GIT2: variants seen among roughly 807,000 people sequenced by gnomAD.
GIT2 encodes the protein GIT ArfGAP 2.
A neutral mutation model predicts 100.3 loss-of-function variants in GIT2; 32 were observed. The observed-to-expected ratio is 0.32, with a 90% CI of 0.24 to 0.43. The LOEUF is 0.43. Among genes scored for constraint, GIT2 ranks in the 20% least tolerant of loss-of-function variants. GIT2 has a pLI of 1.00. For synonymous variants in GIT2, 353 were observed against 364.1 expected (o/e 0.97, Z 0.35); for missense variants, 737 against 975.1 (o/e 0.76, Z 3.25).
intron 12 of GIT2, among the ~76,000 whole-genome samples, chr12:109,955,447 A>G (rs1879165398): frequency 1.3e-5 from 2 of 152,106 alleles, no homozygotes; most frequent in African/African-American, 4.8e-5. Context: ...ATGTTCTAAA[A>G]AGTTGCTGTG....
chr12:109,987,813 G>A (rs1358403445), intron 4 of GIT2, among the ~76,000 whole-genome samples: 2 of 152,190 alleles, frequency 1.3e-5, no homozygotes, highest in Non-Finnish European at 2.9e-5. Flanking sequence ...CTCATGCTCT[G>A]TGTGAGTAAG....
chr12:109,996,277 G>A lies in GIT2; in HGVS notation c.-53C>T, dbSNP rs1354309422. ...TAGAGGCCGGGGGACAGCAAAGGCG[G>A]CGGTGGCGGCGGCGCTTCCGCTCTA... is the stretch of plus-strand genomic sequence containing the variant. On this transcript the variant is annotated 5_prime_UTR_variant, in exon 1 of 20. Coordinates refer to ENST00000355312, the MANE Select transcript of GIT2 (RefSeq NM_057169.5). 12 of 1,297,994 alleles carry A rather than the reference G, an allele frequency of 9.2e-6. No homozygotes were observed. The Admixed American group carries it at 2.4e-4, about 26-fold the overall frequency. The allele number at this position is 1,297,994 out of a possible 1,614,324, so 80.4% of individuals were successfully genotyped here.
chr12:109,934,297 G>A lies in GIT2; in HGVS notation c.2004-212C>T, dbSNP rs145147322. 1.4e-4 allele frequency: 81 copies of A among 574,026 alleles called. No homozygotes were observed. Among genetic ancestry groups the A allele is most frequent in the Non-Finnish European group, 2.2e-4 (70 of 319,792 alleles). The allele number at this position is 574,026 out of a possible 1,614,324, so 35.6% of individuals were successfully genotyped here. On this transcript the variant is annotated intron_variant, in intron 18 of 19. Coordinates refer to ENST00000355312, the MANE Select transcript of GIT2 (RefSeq NM_057169.5). This position sits in a 1 kb window ranked among gnomAD's most constrained non-coding sequence, Gnocchi z 4.5. ...GTTCAATCTGATGAAAAGTCTCCAG[G>A]TATGAAATATGGCAACATACACTCT...
rs769707400 is a variant in GIT2 at position 109,983,453 on chromosome 12, T to C, written c.543A>G (p.Leu181=). ...CATATACTGCCAATAATTCAGCCTG[T>C]AAAATCTGCCCTGCTTTGGAGGCAA... The part of the protein sequence containing the change: ...LHVASKAGQI[L]QAELLAVYGA... The change falls in exon 6 of 20, where the codon TTA becomes TTG. Residue 181 remains leucine, a synonymous_variant. Transcript: ENST00000355312. 1 of 1,613,636 alleles carries C rather than the reference T, an allele frequency of 6.2e-7. No homozygotes were observed. The highest frequency in any genetic ancestry group is 8.5e-7 in the Non-Finnish European group (1 of 1,179,530).
In GIT2 at chr12:109,933,291, T is replaced by G; in HGVS notation, c.2068-101A>C. ...AAGCAAACCAAGCTGCTCCCCAGAG[T>G]GAAAGGCGGTTTGGTCCTGCCCTTT... On this transcript the variant is annotated intron_variant, in intron 19 of 19. Coordinates refer to ENST00000355312, the MANE Select transcript of GIT2 (RefSeq NM_057169.5). This position sits in a 1 kb window ranked among gnomAD's most constrained non-coding sequence, Gnocchi z 4.5. 1.4e-6 allele frequency: 1 copy of G among 709,826 alleles called. No homozygotes were observed. Among genetic ancestry groups the G allele is most frequent in the Non-Finnish European group, 2.4e-6 (1 of 410,816 alleles). 44.0% of individuals were successfully genotyped at this position (709,826 alleles called of 1,614,324 possible). A position where few individuals can be genotyped will look rare whatever the true frequency, so the allele number is the denominator to read the frequency against.
chr12:109,937,875 G>GTGTTTT (rs893362917), intron 18 of GIT2, among the ~76,000 whole-genome samples: 1 of 152,164 alleles, frequency 6.6e-6, no homozygotes, highest in Non-Finnish European at 1.5e-5. Flanking sequence ...GCTAATTTTT[G>GTGTTTT]TGTTTTTCAT....
At position 109,947,705 on chromosome 12, in the gene GIT2, C is replaced by T; in HGVS notation, c.1393-201G>A. ...CAATCAACTCCCTTCATCACGTAAG[C>T]AAATTAAATAGCTTCATTTCTGAAT... is the stretch of plus-strand genomic sequence containing the variant. On this transcript the variant is annotated intron_variant, in intron 14 of 19. Transcript: ENST00000355312. This position sits in a 1 kb window ranked among gnomAD's most constrained non-coding sequence, Gnocchi z 4.3. The T allele has an allele frequency of 1.8e-6, 1 of 552,926 alleles. No homozygotes were observed. The highest frequency in any genetic ancestry group is 3.2e-6 in the Non-Finnish European group (1 of 311,982). 34.3% of individuals were successfully genotyped at this position (552,926 alleles called of 1,614,324 possible). A position where few individuals can be genotyped will look rare whatever the true frequency, so the allele number is the denominator to read the frequency against.
intron 7 of GIT2, among the ~76,000 whole-genome samples, chr12:109,974,751 A>G (rs1229523365): frequency 1.3e-5 from 2 of 152,226 alleles, no homozygotes; most frequent in Non-Finnish European, 2.9e-5. Context: ...GTTGTCAGGT[A>G]GAAGAGTCTA....
intron 7 of GIT2, among the ~76,000 whole-genome samples, chr12:109,976,474 C>T (rs533797122): frequency 1.9e-4 from 29 of 151,338 alleles, no homozygotes; most frequent in African/African-American, 6.1e-4. Flanking sequence ...GTAGTAGAGA[C>T]GGGGTTTCAT....
Position 109,934,301 on chromosome 12 carries a change from G to A in GIT2, c.2004-216C>T, listed in dbSNP as rs1872389124. On this transcript the variant is annotated intron_variant, in intron 18 of 19. Coordinates refer to ENST00000355312, the MANE Select transcript of GIT2 (RefSeq NM_057169.5). The surrounding 1 kb of genome is among the most constrained non-coding windows in gnomAD (Gnocchi z 4.5). ...AATCTGATGAAAAGTCTCCAGGTATGAAATATGGCAACATACACTCTTGGT... is the reference window on the plus strand; with the variant it reads ...AATCTGATGAAAAGTCTCCAGGTATAAAATATGGCAACATACACTCTTGGT... The A allele has an allele frequency of 1.7e-6, 1 of 573,738 alleles. No individual in the cohort carries two copies. 35.5% of individuals were successfully genotyped at this position (573,738 alleles called of 1,614,324 possible).
chr12:109,992,290 G>C (rs1888559710), intron 1 of GIT2, among the ~76,000 whole-genome samples: 1 of 151,482 alleles, frequency 6.6e-6, no homozygotes, highest in South Asian at 2.1e-4. Context: ...GGGATTACAG[G>C]CATGCACCAC....
At chr12:109,975,879 C>A (rs1313145962) in intron 7 of GIT2, among the ~76,000 whole-genome samples, 1 of 149,834 alleles carries the variant, frequency 6.7e-6, no homozygotes, top group Non-Finnish European at 1.5e-5. Flanking sequence ...TCAAGCAATT[C>A]TCCTGCCTCA....
chr12:109,953,196 G>A lies in GIT2; in HGVS notation c.1138C>T (p.His380Tyr), dbSNP rs1354798778. The change falls in exon 13 of 20, where the codon CAC becomes TAC. Residue 380 changes from histidine (H) to tyrosine (Y), a missense_variant. By Grantham distance (83) the His-to-Tyr change is moderately conservative. Coordinates refer to ENST00000355312, the MANE Select transcript of GIT2 (RefSeq NM_057169.5). ...TCGTTGTCTTGACTCTCAACGCTGT[G>A]CTGGTTATTGATGGTTTTCAGTATG... ...ELILKTINNQ[H>Y]SVESQDNDQP... The A allele has an allele frequency of 3.1e-6, 5 of 1,613,844 alleles. No homozygotes were observed. In the South Asian group the frequency reaches 5.5e-5, roughly 18 times the overall value.
intron 16 of GIT2, among the ~76,000 whole-genome samples, chr12:109,944,459 G>A (rs1462530416): frequency 6.6e-6 from 1 of 152,222 alleles, no homozygotes; most frequent in East Asian, 1.9e-4. Context: ...TTGTGGTCAT[G>A]TACCACTCTT....
rs969771017 is a variant in GIT2, at chr12:109,967,340, C to G, written c.764+118G>C. 1.9e-6 allele frequency: 3 copies of G among 1,595,998 alleles called. No homozygotes were observed. The African/African-American group carries it at 4.0e-5, about 22-fold the overall frequency. ...GCCGTCTTATTTCCAAATGGTATAG[C>G]CATAAAAGAGAAAAATGTATGGGCT... On this transcript the variant is annotated intron_variant, in intron 8 of 19. Transcript: ENST00000355312.
chr12:109,961,404 C>A, intron 10 of GIT2, 29 bp from the exon 11 acceptor site: 1 of 1,354,278 alleles, frequency 7.4e-7, no homozygotes, highest in Non-Finnish European at 1.1e-6. Context: ...CAGAGACAAA[C>A]CTCATCACGC....
In GIT2 at chr12:109,938,540, T is replaced by A; in HGVS notation, c.1843A>T (p.Met615Leu). The change falls in exon 18 of 20, where the codon ATG becomes TTG. Residue 615 changes from methionine (M) to leucine (L), a missense_variant. By Grantham distance (15) the Met-to-Leu change is conservative. This residue lies in a region of GIT2 where 451 missense variants were observed against 543.7 expected (regional missense o/e 0.83). Transcript: ENST00000355312. ...GSSRKGRQRS[M>L]VWPGDGLVPD... Reference sequence around the variant, plus strand: ...ACCAAGCCATCCCCTGGCCACACCATACTTCTTTGCCGTCCCTTTCGGCTT... The same window carrying A: ...ACCAAGCCATCCCCTGGCCACACCAAACTTCTTTGCCGTCCCTTTCGGCTT... 6.2e-7 allele frequency: 1 copy of A among 1,607,412 alleles called. No individual in the cohort carries two copies. Among genetic ancestry groups the A allele is most frequent in the Non-Finnish European group, 8.5e-7 (1 of 1,177,400 alleles).
In GIT2 at chr12:109,949,951, T is replaced by A. The variant is rs367651223; in HGVS notation, c.1392+1216A>T. 6.4e-4 allele frequency among the ~76,000 whole-genome samples: 97 copies of A among 152,346 alleles called. 6 individuals carry two copies. In the South Asian group the frequency reaches 0.019, roughly 30 times the overall value. On this transcript the variant is annotated intron_variant, in intron 14 of 19. Coordinates refer to ENST00000355312, the MANE Select transcript of GIT2 (RefSeq NM_057169.5). ...TATGTTATGACAAAGGGGCTCTCGG[T>A]CTGTCTCGTTTACAGCTGCACGGCA... is the stretch of plus-strand genomic sequence containing the variant.
At chr12:109,960,197 C>A (rs560238834) in intron 11 of GIT2, among the ~76,000 whole-genome samples, 3 of 152,260 alleles carry the variant, frequency 2.0e-5, no homozygotes, top group East Asian at 3.9e-4. Flanking sequence ...CTCACATATG[C>A]ATTGTTCTCA....
Sources: allele counts gnomAD v4.1 joint callset (sites outside exome capture counted in the v4.1 genomes callset), GRCh38; gene constraint gnomAD v4.1.1; regional missense constraint gnomAD v4.1.1; non-coding constraint Gnocchi (gnomAD v3.1); transcripts MANE v1.5; gene names NCBI Gene and HGNC (gene_info 2026-07-23, HGNC 2026-07-21).